The following LRSAM1 variants were observed in gnomAD, a reference collection of about 807,000 sequenced individuals.
LRSAM1 encodes E3 ubiquitin-protein ligase LRSAM1.
LRSAM1 carries 96 observed loss-of-function variants against 118.1 expected under a neutral mutation model. The observed-to-expected ratio is 0.81, with a 90% CI of 0.69 to 0.96. The LOEUF (loss-of-function observed/expected upper bound fraction) is 0.96. Ranked by LOEUF, LRSAM1 falls within the 40% of genes least tolerant of loss-of-function variation. LRSAM1 has a pLI of 0.00. For missense variants in LRSAM1, 804 were observed against 915.5 expected (o/e 0.88, Z 1.57); for synonymous variants, 322 against 364.2 (o/e 0.88, Z 1.32).
At chr9:127,454,176 C>T (rs976627354) in intron 2 of LRSAM1, among the ~76,000 whole-genome samples, 4 of 151,822 alleles carry the variant, frequency 2.6e-5, no homozygotes, top group Non-Finnish European at 4.4e-5. Flanking sequence ...CCCCTGCCTC[C>T]GTGAAACTCA....
At chr9:127,487,520 G>T in intron 17 of LRSAM1, 156 bp from the exon 18 acceptor site, 1 of 666,348 alleles carries the variant, frequency 1.5e-6, no homozygotes, top group East Asian at 2.9e-5. Flanking sequence ...CAGACTCAGT[G>T]TCTGTGGCCC....
In LRSAM1 at chr9:127,467,941, A is replaced by G. The variant is rs1293385466; in HGVS notation, c.619+111A>G. 9 of 1,049,894 alleles carry G rather than the reference A, an allele frequency of 8.6e-6. No individual in the cohort carries two copies. The South Asian group carries it at 1.1e-4, about 13-fold the overall frequency. 65.0% of individuals were successfully genotyped at this position (1,049,894 alleles called of 1,614,324 possible). On this transcript the variant is annotated intron_variant, in intron 10 of 25. Transcript: ENST00000300417. The stretch of plus-strand genomic sequence containing the variant: ...AGAGACAGAAATGGCCACAGTGCCT[A>G]CCTGCTTGGAGTTCGAGGTCTGGCA...
At chr9:127,475,047 T>A (rs947463133) in intron 11 of LRSAM1, among the ~76,000 whole-genome samples, 2 of 149,176 alleles carry the variant, frequency 1.3e-5, no homozygotes, top group East Asian at 1.9e-4. Context: ...CATTTGGGAT[T>A]TTATTATTAT....
chr9:127,498,483 G>A (rs1836241624), intron 24 of LRSAM1, among the ~76,000 whole-genome samples: 1 of 152,184 alleles, frequency 6.6e-6, no homozygotes, highest in African/African-American at 2.4e-5. Flanking sequence ...GGGGTGCAGT[G>A]CCTCTGAGCC....
intron 21 of LRSAM1, among the ~76,000 whole-genome samples, chr9:127,494,302 T>C (rs1836041212): frequency 6.6e-6 from 1 of 152,240 alleles, no homozygotes; most frequent in Non-Finnish European, 1.5e-5. Flanking sequence ...AACGCCTGTG[T>C]TGATCCCACT....
chr9:127,456,523 G>A (rs113472184), intron 5 of LRSAM1, among the ~76,000 whole-genome samples: 5,451 of 151,784 alleles, frequency 0.036, 340 homozygotes, highest in African/African-American at 0.12. Context: ...GAGCCACCAC[G>A]CCCAGTCTGT....
chr9:127,480,641 C>T (rs2132066370), intron 14 of LRSAM1, among the ~76,000 whole-genome samples: 1 of 152,322 alleles, frequency 6.6e-6, no homozygotes, highest in African/African-American at 2.4e-5. Context: ...CTTGTTACAT[C>T]TATTTCTTCA....
chr9:127,473,823 C>G lies in LRSAM1; in HGVS notation c.642C>G (p.Pro214=), dbSNP rs550546958. 3.7e-6 allele frequency: 6 copies of G among 1,614,212 alleles called. No individual in the cohort carries two copies. Among genetic ancestry groups the G allele is most frequent in the South Asian group, 3.3e-5 (3 of 91,082 alleles). The change falls in exon 11 of 26, where the codon CCC becomes CCG. Residue 214 remains proline, a synonymous_variant. Transcript: ENST00000300417. Reference sequence around the variant, plus strand: ...CAGAGTCAGGGCTGGAATACTACCCCCCTTCTCAGTACTTGCTGCCAATTC... The same window carrying G: ...CAGAGTCAGGGCTGGAATACTACCCGCCTTCTCAGTACTTGCTGCCAATTC... ...LCKESGLEYY[P]PSQYLLPILE... is the part of the protein sequence containing the mutation.
At chr9:127,494,084 A>G (rs998041489) in intron 21 of LRSAM1, among the ~76,000 whole-genome samples, 1 of 152,216 alleles carries the variant, frequency 6.6e-6, no homozygotes, top group Non-Finnish European at 1.5e-5. Flanking sequence ...GCAGCCAGGT[A>G]CTATGGCTGG....
intron 21 of LRSAM1, among the ~76,000 whole-genome samples, chr9:127,494,217 A>G (rs1369180439): frequency 1.3e-5 from 2 of 152,238 alleles, no homozygotes; most frequent in Non-Finnish European, 2.9e-5. Flanking sequence ...AGGGCCAACG[A>G]CGGAAGGGAG....
chr9:127,471,997 T>TGTC (rs1013076844), intron 10 of LRSAM1, among the ~76,000 whole-genome samples: 1 of 151,256 alleles, frequency 6.6e-6, no homozygotes, highest in Admixed American at 6.6e-5. Context: ...AGAGTCTCAC[T>TGTC]GTCGCCCAGG....
chr9:127,468,626 T>G (rs1010898145), intron 10 of LRSAM1, among the ~76,000 whole-genome samples: 4 of 152,084 alleles, frequency 2.6e-5, no homozygotes, highest in African/African-American at 9.7e-5. Context: ...AAATGAACTT[T>G]AACCTCTTCC....
At chr9:127,478,052 C>CAAAAA (rs368060643) in intron 11 of LRSAM1, among the ~76,000 whole-genome samples, 1 of 72,268 alleles carries the variant, frequency 1.4e-5, no homozygotes. Flanking sequence ...AACTCCGTCT[C>CAAAAA]AAAAAAAAAA....
intron 9 of LRSAM1, among the ~76,000 whole-genome samples, chr9:127,466,504 A>ATTTTTTTTT (rs869115663): frequency 8.2e-5 from 2 of 24,530 alleles, no homozygotes; most frequent in African/African-American, 3.1e-4. Context: ...ATATATATAT[A>ATTTTTTTTT]TTTTTTTTTT....
chr9:127,453,322 C>G (rs937356562), intron 2 of LRSAM1, among the ~76,000 whole-genome samples: 1 of 152,136 alleles, frequency 6.6e-6, no homozygotes, highest in African/African-American at 2.4e-5. Context: ...GCTCAAGTGA[C>G]CCACCTGTCT....
At chr9:127,479,277 G>A in intron 12 of LRSAM1, 106 bp from the exon 13 acceptor site, 1 of 1,539,464 alleles carries the variant, frequency 6.5e-7, no homozygotes, top group Non-Finnish European at 9.0e-7. Flanking sequence ...TCAGCATGAA[G>A]ACCTGGAGCC....
intron 4 of LRSAM1, 34 bp downstream of exon 4, chr9:127,455,088 A>T (rs756278772): frequency 1.9e-6 from 3 of 1,607,168 alleles, no homozygotes; most frequent in Non-Finnish European, 2.6e-6. Flanking sequence ...TGTGAATTGG[A>T]TCTGTCCCGT....
chr9:127,472,774 G>A (rs10819295), intron 10 of LRSAM1, among the ~76,000 whole-genome samples: 30,611 of 152,008 alleles, frequency 0.2, 3,528 homozygotes, highest in Admixed American at 0.33. Context: ...CTCATAGTAC[G>A]GTTTGAATGT....
At chr9:127,462,039 A>G (rs1218297716) in intron 8 of LRSAM1, among the ~76,000 whole-genome samples, 1 of 152,192 alleles carries the variant, frequency 6.6e-6, no homozygotes, top group Non-Finnish European at 1.5e-5. Flanking sequence ...GAAAACTGGC[A>G]CAAGGAGGCA....
Sources: gnomAD v4.1 joint callset for allele counts (sites outside exome capture counted in the v4.1 genomes callset) on GRCh38, gnomAD v4.1.1 for gene constraint, MANE v1.5 for transcripts, NCBI Gene and HGNC (gene_info 2026-07-23, HGNC 2026-07-21) for gene names.